SOS2: variants seen among roughly 807,000 people sequenced by gnomAD.
SOS2 encodes son of sevenless homolog 2.
In SOS2, 65 loss-of-function variants were observed where a neutral mutation model predicts 148.2. The ratio of observed to expected loss-of-function variants is 0.44; its 90% CI spans 0.36 to 0.54. The LOEUF is 0.54. Among genes scored for constraint, SOS2 ranks in the 20% least tolerant of loss-of-function variants. SOS2 has a pLI of 0.00. For synonymous variants in SOS2, 539 were observed against 537.1 expected (o/e 1.00, Z -0.05); for missense variants, 1,341 against 1,590.2 (o/e 0.84, Z 2.67).
At position 50,224,314 on chromosome 14, in the gene SOS2, TACACACACACACACACACACAC is replaced by T. The variant is rs71118856; in HGVS notation, c.87+6861_87+6882del. ...TCAGGAAAAAAAAAAAATATATATA[TACACACACACACACACACACAC>T]ACACACACACACACACACACACACA... On this transcript the variant is annotated intron_variant, in intron 1 of 22. Transcript: ENST00000216373. Among the ~76,000 whole-genome samples, 44 of 101,032 alleles carry T rather than the reference TACACACACACACACACACACAC, an allele frequency of 4.4e-4. 1 individual carries two copies. Among genetic ancestry groups the T allele is most frequent in the African/African-American group, 1.2e-3 (28 of 23,126 alleles). The allele number at this position is 101,032 out of a possible 152,430, so 66.3% of individuals were successfully genotyped here. A position where few individuals can be genotyped will look rare whatever the true frequency, so the allele number is the denominator to read the frequency against.
At chr14:50,215,285 C>T (rs1219023553) in intron 1 of SOS2, 4 of 693,750 alleles carry the variant, frequency 5.8e-6, no homozygotes, top group Non-Finnish European at 8.3e-6. Context: ...GCAATTTGAA[C>T]ATCAAGCATC....
chr14:50,218,560 C>A (rs1193773365), intron 1 of SOS2, among the ~76,000 whole-genome samples: 2 of 151,612 alleles, frequency 1.3e-5, no homozygotes, highest in African/African-American at 4.8e-5. Flanking sequence ...AAAAACAAAA[C>A]AACTCAACAA....
At chr14:50,231,054 G>A (rs976584405) in intron 1 of SOS2, 143 bp downstream of exon 1, 52 of 562,856 alleles carry the variant, frequency 9.2e-5, no homozygotes, top group Non-Finnish European at 1.3e-4. Context: ...AATGCAACAG[G>A]CAATTGTGAG....
intron 18 of SOS2, among the ~76,000 whole-genome samples, chr14:50,137,853 T>A (rs1415082521): frequency 6.6e-6 from 1 of 152,190 alleles, no homozygotes; most frequent in Non-Finnish European, 1.5e-5. Flanking sequence ...TTTATTTTAT[T>A]TTTTGAGACG....
At chr14:50,121,184 C>T (rs775450244) in intron 21 of SOS2, among the ~76,000 whole-genome samples, 1 of 152,108 alleles carries the variant, frequency 6.6e-6, no homozygotes, top group Non-Finnish European at 1.5e-5. Flanking sequence ...CGTTATATAA[C>T]TACATTAAAG....
At chr14:50,190,975 C>A (rs575913521) in intron 4 of SOS2, among the ~76,000 whole-genome samples, 1 of 152,288 alleles carries the variant, frequency 6.6e-6, no homozygotes, top group Non-Finnish European at 1.5e-5. Flanking sequence ...CTTCTCTTCC[C>A]CACCAGAGAC....
intron 14 of SOS2, among the ~76,000 whole-genome samples, chr14:50,149,495 G>A (rs1406556206): frequency 6.6e-6 from 1 of 152,092 alleles, no homozygotes; most frequent in African/African-American, 2.4e-5. Flanking sequence ...ATTAGTGGCT[G>A]GGAAGGATTG....
Position 50,118,749 on chromosome 14 carries a change from C to A in SOS2, c.3594G>T (p.Gly1198=). 1 of 1,607,334 alleles carries A rather than the reference C, an allele frequency of 6.2e-7. No individual in the cohort carries two copies. Among genetic ancestry groups the A allele is most frequent in the Non-Finnish European group, 8.5e-7 (1 of 1,177,712 alleles). The change falls in exon 23 of 23, where the codon GGG becomes GGT. Residue 1198 remains glycine, a synonymous_variant. Transcript: ENST00000216373. ...GTGGCGGAGGTGGACTATGCAGAGG[C>A]CCATCAAATGCACCAGTAGGAACAG... The part of the protein sequence containing the change: ...RVPVPTGAFD[G]PLHSPPPPPP...
chr14:50,162,896 G>GTTT (rs1566832748), intron 8 of SOS2, among the ~76,000 whole-genome samples: 4 of 139,852 alleles, frequency 2.9e-5, no homozygotes, highest in African/African-American at 5.4e-5. Context: ...CCAATGTTTT[G>GTTT]ATTTTTTTTT....
chr14:50,140,101 AAT>A (rs763671070), intron 16 of SOS2, 42 bp from the exon 17 acceptor site: 1 of 973,570 alleles, frequency 1.0e-6, no homozygotes, highest in Admixed American at 2.2e-5. Flanking sequence ...TTTACAATTC[AAT>A]CATATTTTAT....
intron 12 of SOS2, among the ~76,000 whole-genome samples, chr14:50,154,638 G>A (rs1291688447): frequency 4.6e-5 from 7 of 152,046 alleles, no homozygotes; most frequent in Non-Finnish European, 8.8e-5. Context: ...ACACAACCTC[G>A]CAATAAAATA....
intron 14 of SOS2, among the ~76,000 whole-genome samples, 196 bp from the exon 15 acceptor site, chr14:50,145,792 AC>A (rs1257059981): frequency 3.3e-5 from 5 of 152,240 alleles, no homozygotes; most frequent in Admixed American, 2.6e-4. Flanking sequence ...AGGGAAAATA[AC>A]ATAAAACTAC....
At chr14:50,159,358 A>G in intron 10 of SOS2, 73 bp downstream of exon 10, 1 of 963,640 alleles carries the variant, frequency 1.0e-6, no homozygotes, top group Non-Finnish European at 1.5e-6. Context: ...CAAGCCTCAA[A>G]TATTTTTGAG....
chr14:50,165,647 T>C (rs1885141586), intron 8 of SOS2, among the ~76,000 whole-genome samples: 1 of 152,212 alleles, frequency 6.6e-6, no homozygotes, highest in African/African-American at 2.4e-5. Flanking sequence ...TCTTAATGCC[T>C]AGGGACACGT....
At chr14:50,173,137 T>C (rs1461544908) in intron 8 of SOS2, among the ~76,000 whole-genome samples, 3 of 151,932 alleles carry the variant, frequency 2.0e-5, no homozygotes, top group African/African-American at 7.3e-5. Context: ...ATGCCCAGCT[T>C]CCAACTTTTT....
intron 8 of SOS2, among the ~76,000 whole-genome samples, chr14:50,169,878 T>A (rs1302016544): frequency 6.6e-6 from 1 of 152,074 alleles, no homozygotes; most frequent in Non-Finnish European, 1.5e-5. Context: ...CCCATAAGGT[T>A]GATCACAAAC....
intron 3 of SOS2, 70 bp from the exon 4 acceptor site, chr14:50,199,925 T>C: frequency 3.1e-6 from 3 of 970,254 alleles, no homozygotes; most frequent in Non-Finnish European, 4.6e-6. Flanking sequence ...AAAAAATTCC[T>C]ATTTAACATC....
At chr14:50,172,736 G>T (rs1885408282) in intron 8 of SOS2, among the ~76,000 whole-genome samples, 1 of 151,950 alleles carries the variant, frequency 6.6e-6, no homozygotes, top group African/African-American at 2.4e-5. Flanking sequence ...GCTGCCTTTG[G>T]ACAAGCATGA....
intron 4 of SOS2, among the ~76,000 whole-genome samples, chr14:50,198,242 TG>T (rs1886375701): frequency 6.6e-6 from 1 of 152,104 alleles, no homozygotes; most frequent in Non-Finnish European, 1.5e-5. Context: ...AGAATGTTCT[TG>T]TTTATAGGAC....
Sources: gnomAD v4.1 joint callset for allele counts (sites outside exome capture counted in the v4.1 genomes callset) on GRCh38, gnomAD v4.1.1 for gene constraint, MANE v1.5 for transcripts, NCBI Gene and HGNC (gene_info 2026-07-23, HGNC 2026-07-21) for gene names.